Variants in BMPR1B observed in about 807,000 individuals in gnomAD.
BMPR1B encodes the protein bone morphogenetic protein receptor type-1B.
Under a neutral mutation model 59.1 loss-of-function variants are expected in BMPR1B, and 12 were observed. The observed-to-expected ratio is 0.20, with a 90% confidence interval of 0.13 to 0.33. The LOEUF is 0.33. BMPR1B is among the 10% of genes least tolerant of loss of function. The pLI is 1.00. For missense variants in BMPR1B, 550 were observed against 610.9 expected (o/e 0.90, Z 1.05); for synonymous variants, 237 against 207.3 (o/e 1.14, Z -1.23).
intron 3 of BMPR1B, among the ~76,000 whole-genome samples, chr4:95,079,748 A>G (rs1161460594): frequency 7.2e-6 from 1 of 138,544 alleles, no homozygotes; most frequent in Non-Finnish European, 1.5e-5. Context: ...TGTGAAATGA[A>G]AAAAAAAAAC....
chr4:94,870,385 A>ATTTTCTGAAATGTTTTAAT (rs1560524883), intron 1 of BMPR1B, among the ~76,000 whole-genome samples: 2 of 152,076 alleles, frequency 1.3e-5, no homozygotes, highest in South Asian at 2.1e-4. Context: ...TCCTGCCAAG[A>ATTTTCTGAAATGTTTTAAT]GAGAGAGAGA....
intron 2 of BMPR1B, among the ~76,000 whole-genome samples, chr4:94,953,165 A>G (rs1266159288): frequency 6.6e-6 from 1 of 151,934 alleles, no homozygotes; most frequent in African/African-American, 2.4e-5. Flanking sequence ...TCTGCACGTG[A>G]GATGGGTTTC....
chr4:95,115,806 C>T lies in BMPR1B; in HGVS notation c.349+19C>T. Reference sequence around the variant, plus strand: ...AACAGAGGTAAGTGAGGAAGGCTTCCAGCCTGGAAAATCACTAGGTATCAT... The same window carrying T: ...AACAGAGGTAAGTGAGGAAGGCTTCTAGCCTGGAAAATCACTAGGTATCAT... On this transcript the variant is annotated intron_variant, in intron 6 of 12. Transcript: ENST00000515059. The T allele has an allele frequency of 6.3e-7, 1 of 1,584,790 alleles. No individual in the cohort carries two copies.
chr4:95,053,375 T>A (rs1216031528), intron 3 of BMPR1B, among the ~76,000 whole-genome samples: 3 of 149,830 alleles, frequency 2.0e-5, no homozygotes, highest in Non-Finnish European at 3.0e-5. Flanking sequence ...TGGCTAAGAG[T>A]ACAAATTCTG....
intron 11 of BMPR1B, among the ~76,000 whole-genome samples, chr4:95,150,284 CA>C (rs952640514): frequency 5.9e-5 from 9 of 151,764 alleles, no homozygotes; most frequent in Admixed American, 2.6e-4. Flanking sequence ...AAGAAGTAAC[CA>C]AAAAATTTAA....
At chr4:95,084,014 T>C (rs866300634) in intron 3 of BMPR1B, among the ~76,000 whole-genome samples, 1 of 152,082 alleles carries the variant, frequency 6.6e-6, no homozygotes, top group South Asian at 2.1e-4. Context: ...CCCCTTTCTC[T>C]AATATAGTAA....
intron 2 of BMPR1B, among the ~76,000 whole-genome samples, chr4:94,917,998 A>G (rs1367188147): frequency 6.6e-6 from 1 of 152,070 alleles, no homozygotes; most frequent in East Asian, 1.9e-4. Context: ...TCCTGCTTGC[A>G]CCATGTGACA....
chr4:94,939,137 A>G lies in BMPR1B; in HGVS notation c.-112-56903A>G, dbSNP rs867103216. Among the ~76,000 whole-genome samples the G allele has an allele frequency of 6.6e-5, 10 of 152,324 alleles. No homozygotes were observed. In the Middle Eastern group the frequency reaches 0.01, roughly 155 times the overall value. ...ATGTTTTTAGGGCTCTGACATCCTA[A>G]ATGGGAATCACCAACTTTCAGCAAA... On this transcript the variant is annotated intron_variant, in intron 2 of 12. Coordinates refer to ENST00000515059, the MANE Select transcript of BMPR1B (RefSeq NM_001203.3).
At chr4:94,915,264 C>T (rs78248201) in intron 2 of BMPR1B, among the ~76,000 whole-genome samples, 2,792 of 151,946 alleles carry the variant, frequency 0.018, 52 homozygotes, top group East Asian at 0.092. Context: ...ACATTTTTTT[C>T]TTCTTTGTTT....
rs777409748 is a variant in BMPR1B at position 95,115,682 on chromosome 4, T to C, written c.247-3T>C. 2.5e-6 allele frequency: 4 copies of C among 1,611,896 alleles called. No homozygotes were observed. The highest frequency in any genetic ancestry group is 2.2e-5 in the East Asian group (1 of 44,856). ...ACTAATAGCTGTTTGGGTTCGATTA[T>C]AGGACACTCCCATTCCTCATCAAAG... is the stretch of plus-strand genomic sequence containing the variant. On this transcript the variant is annotated splice_region_variant and splice_polypyrimidine_tract_variant and intron_variant, in intron 5 of 12. Transcript: ENST00000515059.
At chr4:94,770,182 G>GTTTTTTTTTTTTTTTTTTTTTTTTTT in intron 1 of BMPR1B, among the ~76,000 whole-genome samples, 577 of 39,790 alleles carry the variant, frequency 0.015, 61 homozygotes, top group Non-Finnish European at 0.019. Flanking sequence ...TCGTTTCTGT[G>GTTTTTTTTTTTTTTTTTTTTTTTTTT]TTTGTTTTTT....
chr4:95,124,039 A>C (rs1732727611), intron 7 of BMPR1B, 133 bp downstream of exon 7: 3 of 658,200 alleles, frequency 4.6e-6, no homozygotes, highest in Non-Finnish European at 7.9e-6. Context: ...TTAACTGAAA[A>C]TGTCTGTTAC....
At chr4:94,827,410 AT>A (rs1724422777) in intron 1 of BMPR1B, among the ~76,000 whole-genome samples, 1 of 152,190 alleles carries the variant, frequency 6.6e-6, no homozygotes, top group Non-Finnish European at 1.5e-5. Flanking sequence ...TAAAGTGTAT[AT>A]AAACTTTATA....
intron 1 of BMPR1B, among the ~76,000 whole-genome samples, chr4:94,868,014 G>A (rs923894016): frequency 2.0e-4 from 26 of 130,634 alleles, no homozygotes; most frequent in Admixed American, 1.7e-3. Context: ...CCTGTGCCCC[G>A]CTAATTTTTT....
intron 3 of BMPR1B, among the ~76,000 whole-genome samples, chr4:95,054,151 TGTTA>T (rs1341775659): frequency 2.0e-5 from 3 of 152,200 alleles, no homozygotes; most frequent in Non-Finnish European, 4.4e-5. Flanking sequence ...AAAAATATTT[TGTTA>T]AATATATGGA....
At chr4:95,003,598 A>G (rs1311063015) in intron 3 of BMPR1B, among the ~76,000 whole-genome samples, 2 of 152,054 alleles carry the variant, frequency 1.3e-5, no homozygotes, top group Non-Finnish European at 2.9e-5. Context: ...AACCACCTCC[A>G]TTTACAAGGG....
At chr4:95,095,363 A>G (rs1454004299) in intron 3 of BMPR1B, among the ~76,000 whole-genome samples, 1 of 152,130 alleles carries the variant, frequency 6.6e-6, no homozygotes, top group Non-Finnish European at 1.5e-5. Context: ...AAGAAAGAAA[A>G]TGGGCATTGA....
intron 3 of BMPR1B, among the ~76,000 whole-genome samples, chr4:95,085,824 T>C (rs1729530159): frequency 1.3e-5 from 2 of 152,136 alleles, no homozygotes; most frequent in African/African-American, 4.8e-5. Context: ...GTGAAAAATA[T>C]TTTGAAGTTT....
chr4:95,140,846 A>G (rs1315666101), intron 10 of BMPR1B, among the ~76,000 whole-genome samples: 1 of 152,218 alleles, frequency 6.6e-6, no homozygotes, highest in Non-Finnish European at 1.5e-5. Context: ...AAAACAAAAA[A>G]GGAAAGTGAG....
Sources: gnomAD v4.1 joint callset for allele counts (sites outside exome capture counted in the v4.1 genomes callset) on GRCh38, gnomAD v4.1.1 for gene constraint, MANE v1.5 for transcripts, NCBI Gene and HGNC (gene_info 2026-07-23, HGNC 2026-07-21) for gene names.